Variants in HS3ST3A1 observed in about 807,000 individuals in gnomAD.
HS3ST3A1 encodes heparan sulfate-glucosamine 3-sulfotransferase 3A1.
A neutral mutation model predicts 25.7 loss-of-function variants in HS3ST3A1; 19 were observed. That is an observed-to-expected ratio of 0.74 (90% CI 0.52 to 1.08). HS3ST3A1 has a LOEUF of 1.08. Ranked by LOEUF, HS3ST3A1 falls within the 50% of genes least tolerant of loss-of-function variation. HS3ST3A1 has a pLI of 0.00. For synonymous variants in HS3ST3A1, 226 were observed against 278.6 expected (o/e 0.81, Z 1.88); for missense variants, 459 against 594.3 (o/e 0.77, Z 2.37).
intron 1 of HS3ST3A1, among the ~76,000 whole-genome samples, chr17:13,512,316 A>AAACAAAC (rs981168486): frequency 1.3e-4 from 20 of 151,060 alleles, no homozygotes; most frequent in South Asian, 1.0e-3. Flanking sequence ...AAAAAAAAAA[A>AAACAAAC]AAAAAAAAAA....
intron 1 of HS3ST3A1, among the ~76,000 whole-genome samples, chr17:13,498,233 T>C (rs1422514721): frequency 6.6e-6 from 1 of 152,222 alleles, no homozygotes; most frequent in Admixed American, 6.5e-5. Context: ...CCTCAATCTC[T>C]TGGGCAATCT....
chr17:13,585,186 C>CTTTTT (rs71144977), intron 1 of HS3ST3A1, among the ~76,000 whole-genome samples: 1,560 of 33,254 alleles, frequency 0.047, 372 homozygotes, highest in African/African-American at 0.052. Flanking sequence ...TTTTTCTGTG[C>CTTTTT]TTTTTTTTTT....
intron 1 of HS3ST3A1, among the ~76,000 whole-genome samples, chr17:13,596,415 GCGTACA>G (rs1908577070): frequency 1.9e-5 from 1 of 53,828 alleles, no homozygotes; most frequent in Admixed American, 2.6e-4. Context: ...GTGTGCGCGT[GCGTACA>G]CACACACACA....
intron 1 of HS3ST3A1, among the ~76,000 whole-genome samples, chr17:13,516,106 T>G (rs1691644959): frequency 6.6e-6 from 1 of 152,026 alleles, no homozygotes; most frequent in South Asian, 2.1e-4. Context: ...GTCAGGAGTT[T>G]GAGACCAGCC....
At chr17:13,519,462 A>G (rs1906157970) in intron 1 of HS3ST3A1, among the ~76,000 whole-genome samples, 1 of 152,146 alleles carries the variant, frequency 6.6e-6, no homozygotes, top group South Asian at 2.1e-4. Context: ...TATTTTGAAG[A>G]GGAACAGCCA....
Position 13,601,103 on chromosome 17 carries a change from G to C in HS3ST3A1, c.27C>G (p.Ala9=), listed in dbSNP as rs576948843. The C allele has an allele frequency of 2.5e-6, 4 of 1,582,720 alleles. No homozygotes were observed. Among genetic ancestry groups the C allele is most frequent in the Non-Finnish European group, 3.4e-6 (4 of 1,166,346 alleles). ...ACAGCGGCTCGGCCGAGGTGGAGAG[G>C]GCACTGGCCGGGCCCGGAGGGGCCA... MAPPGPAS[A]LSTSAEPLSR... The change falls in exon 1 of 2, where the codon GCC becomes GCG. Residue 9 remains alanine, a synonymous_variant. Transcript: ENST00000284110.
At chr17:13,543,814 T>A (rs181302402) in intron 1 of HS3ST3A1, among the ~76,000 whole-genome samples, 1 of 152,288 alleles carries the variant, frequency 6.6e-6, no homozygotes, top group East Asian at 1.9e-4. Context: ...ATCTCATAAA[T>A]AACCATCGAT....
intron 1 of HS3ST3A1, among the ~76,000 whole-genome samples, chr17:13,579,701 CAAAAAAAAAAAAA>C (rs543748713): frequency 0.035 from 822 of 23,670 alleles, 23 homozygotes; most frequent in Middle Eastern, 0.11. Context: ...ACTCCATCTC[CAAAAAAAAAAAAA>C]AAAAAAAAAA....
At chr17:13,524,809 G>T (rs1906359362) in intron 1 of HS3ST3A1, among the ~76,000 whole-genome samples, 1 of 151,968 alleles carries the variant, frequency 6.6e-6, no homozygotes, top group South Asian at 2.1e-4. Context: ...ATCTATAATT[G>T]TTTCCAAATA....
Position 13,600,594 on chromosome 17 carries a change from C to A in HS3ST3A1, c.536G>T (p.Arg179Leu). The part of the protein sequence containing the change: ...LEFLRVHPDV[R>L]AVGAEPHFFD... ...GAAGTGGGGCTCGGCGCCCACGGCG[C>A]GCACGTCGGGGTGCACGCGCAGGAA... The change falls in exon 1 of 2, where the codon CGC becomes CTC. Residue 179 changes from arginine to leucine, a missense_variant. Arg to Leu is a moderately radical substitution (Grantham distance 102). Around this residue, in one of 3 missense-constraint regions of HS3ST3A1, gnomAD observed 346 missense variants for 303.9 expected, o/e 1.14. Coordinates refer to ENST00000284110, the MANE Select transcript of HS3ST3A1 (RefSeq NM_006042.3). 3 of 1,600,812 alleles carry A rather than the reference C, an allele frequency of 1.9e-6. No individual in the cohort carries two copies. The highest frequency in any genetic ancestry group is 2.5e-6 in the Non-Finnish European group (3 of 1,178,142).
chr17:13,546,186 T>A (rs1450427731), intron 1 of HS3ST3A1, among the ~76,000 whole-genome samples: 2 of 152,182 alleles, frequency 1.3e-5, no homozygotes, highest in Non-Finnish European at 2.9e-5. Context: ...TAGTCCTTTA[T>A]CTTTATATGC....
At chr17:13,587,417 G>T (rs1406456847) in intron 1 of HS3ST3A1, among the ~76,000 whole-genome samples, 1 of 152,212 alleles carries the variant, frequency 6.6e-6, no homozygotes, top group African/African-American at 2.4e-5. Context: ...TCGTGCCACT[G>T]CACTCCAATC....
At chr17:13,507,037 C>G (rs370798753) in intron 1 of HS3ST3A1, among the ~76,000 whole-genome samples, 1 of 150,020 alleles carries the variant, frequency 6.7e-6, no homozygotes, top group African/African-American at 2.5e-5. Context: ...CCACCACACT[C>G]CAGCCAGGGT....
At chr17:13,559,172 G>A (rs1907457990) in intron 1 of HS3ST3A1, among the ~76,000 whole-genome samples, 1 of 152,204 alleles carries the variant, frequency 6.6e-6, no homozygotes, top group African/African-American at 2.4e-5. Flanking sequence ...TGGCACATAT[G>A]AGTATTCAAC....
At chr17:13,570,829 G>A (rs1237989438) in intron 1 of HS3ST3A1, among the ~76,000 whole-genome samples, 1 of 152,158 alleles carries the variant, frequency 6.6e-6, no homozygotes, top group Non-Finnish European at 1.5e-5. Context: ...CATATTTACA[G>A]GAGTTTTAGG....
chr17:13,585,852 T>C (rs1209838923), intron 1 of HS3ST3A1, among the ~76,000 whole-genome samples: 13 of 138,554 alleles, frequency 9.4e-5, no homozygotes, highest in African/African-American at 3.5e-4. Flanking sequence ...TTTTTTTTTT[T>C]TTTTTTTTTT....
chr17:13,561,506 C>T (rs1907548634), intron 1 of HS3ST3A1, among the ~76,000 whole-genome samples: 1 of 151,984 alleles, frequency 6.6e-6, no homozygotes, highest in Non-Finnish European at 1.5e-5. Flanking sequence ...CCTGCCTCAG[C>T]CTCCCAAGGA....
chr17:13,536,023 C>T (rs6502278), intron 1 of HS3ST3A1, among the ~76,000 whole-genome samples: 131,656 of 152,166 alleles, frequency 0.87, 57,275 homozygotes, highest in African/African-American at 0.96. Context: ...AGTTACTAAT[C>T]TTGCAACTGC....
chr17:13,515,546 C>T (rs1299336852), intron 1 of HS3ST3A1, among the ~76,000 whole-genome samples: 1 of 133,326 alleles, frequency 7.5e-6, no homozygotes, highest in Non-Finnish European at 1.5e-5. Flanking sequence ...ATCCATTTAA[C>T]TGCTGGAGGA....
Sources: allele counts gnomAD v4.1 joint callset (sites outside exome capture counted in the v4.1 genomes callset), GRCh38; gene constraint gnomAD v4.1.1; regional missense constraint gnomAD v4.1.1; transcripts MANE v1.5; gene names NCBI Gene and HGNC (gene_info 2026-07-23, HGNC 2026-07-21).